Variants in CNBD1 observed in about 807,000 individuals in gnomAD.
CNBD1 encodes cyclic nucleotide-binding domain-containing protein 1.
CNBD1 carries 71 observed loss-of-function variants against 54.4 expected under a neutral mutation model. That is an observed-to-expected ratio of 1.30 (90% CI 1.08 to 1.59). The LOEUF (loss-of-function observed/expected upper bound fraction) is 1.59, where lower values mean the gene tolerates loss of function less well. Among genes scored for constraint, CNBD1 ranks in the 40% most tolerant of loss-of-function variants. The pLI, the probability that CNBD1 is intolerant of heterozygous loss-of-function variation, is 0.00. For synonymous variants in CNBD1, 182 were observed against 170.7 expected (o/e 1.07, Z -0.51); for missense variants, 659 against 518.0 (o/e 1.27, Z -2.64).
At chr8:87,107,151 T>A (rs528136497) in intron 4 of CNBD1, among the ~76,000 whole-genome samples, 24 of 152,310 alleles carry the variant, frequency 1.6e-4, no homozygotes, top group African/African-American at 5.8e-4. Context: ...TTATATACTT[T>A]TCACTGATGT....
intron 6 of CNBD1, among the ~76,000 whole-genome samples, chr8:87,267,909 C>T (rs1808294296): frequency 6.6e-6 from 1 of 152,118 alleles, no homozygotes; most frequent in African/African-American, 2.4e-5. Context: ...TAACTATACA[C>T]AAAAATTGTT....
intron 4 of CNBD1, among the ~76,000 whole-genome samples, chr8:87,172,783 T>G (rs1813116516): frequency 6.6e-6 from 1 of 152,150 alleles, no homozygotes; most frequent in African/African-American, 2.4e-5. Flanking sequence ...GAAGTGTGTT[T>G]CTTGTAGGCA....
intron 8 of CNBD1, among the ~76,000 whole-genome samples, chr8:87,300,914 G>T (rs145739447): frequency 6.6e-6 from 1 of 151,912 alleles, no homozygotes; most frequent in East Asian, 1.9e-4. Flanking sequence ...CAAAATGTTG[G>T]TTCTTTGAAA....
rs968594499 is a variant in CNBD1, at chr8:87,243,862, A to G, written c.771+6750A>G. 3.3e-5 allele frequency among the ~76,000 whole-genome samples: 5 copies of G among 152,310 alleles called. No individual in the cohort carries two copies. In the East Asian group the frequency reaches 9.6e-4, roughly 29 times the overall value. On this transcript the variant is annotated intron_variant, in intron 6 of 10. Coordinates refer to ENST00000518476, the MANE Select transcript of CNBD1 (RefSeq NM_173538.3). ...TTGTAATATATATATGCAGTGAAAA[A>G]AGACACAGAATGTGATTTGCTGTTT...
At chr8:87,119,059 A>G (rs1811838270) in intron 4 of CNBD1, among the ~76,000 whole-genome samples, 1 of 152,108 alleles carries the variant, frequency 6.6e-6, no homozygotes, top group Non-Finnish European at 1.5e-5. Flanking sequence ...GTACTGTCAA[A>G]TGTATATGTG....
chr8:86,967,356 C>T (rs1300161664), intron 4 of CNBD1, among the ~76,000 whole-genome samples: 1 of 152,234 alleles, frequency 6.6e-6, no homozygotes, highest in East Asian at 1.9e-4. Flanking sequence ...TAGTCCTGCC[C>T]AGGAGGGCCA....
At chr8:87,418,840 A>G (rs1807879076) in intron 2 of CNBD1, among the ~76,000 whole-genome samples, 3 of 151,934 alleles carry the variant, frequency 2.0e-5, no homozygotes, top group African/African-American at 2.4e-5. Context: ...TGAAACCCTT[A>G]TACATAGCTG....
At chr8:86,872,993 G>A (rs1808462083) in intron 1 of CNBD1, among the ~76,000 whole-genome samples, 1 of 152,098 alleles carries the variant, frequency 6.6e-6, no homozygotes. Flanking sequence ...AGGATCGCTT[G>A]AGCCCAGGAA....
chr8:86,953,122 C>G (rs1807668719), intron 4 of CNBD1, among the ~76,000 whole-genome samples: 1 of 152,056 alleles, frequency 6.6e-6, no homozygotes, highest in Non-Finnish European at 1.5e-5. Flanking sequence ...CATAGTTTAT[C>G]TAAGTATATG....
Position 87,353,671 on chromosome 8 carries a change from T to G in CNBD1, c.1188T>G (p.Leu396=). ...AAAAACTTGTTTATATGGGGAAACT[T>G]AAGGAGAAGGAGTCCTTTGGTGAGA... ...RSQKLVYMGK[L]KEKESFGEIS... Residue 396 remains leucine (L), a synonymous_variant, in exon 10 of 11, where the codon CTT becomes CTG. Transcript: ENST00000518476. 6.2e-7 allele frequency: 1 copy of G among 1,601,794 alleles called. No individual in the cohort carries two copies. Among genetic ancestry groups the G allele is most frequent in the Non-Finnish European group, 8.5e-7 (1 of 1,174,732 alleles).
At chr8:87,020,096 A>G (rs1213322738) in intron 4 of CNBD1, among the ~76,000 whole-genome samples, 1 of 152,050 alleles carries the variant, frequency 6.6e-6, no homozygotes, top group Non-Finnish European at 1.5e-5. Context: ...CCAAACCTTC[A>G]CTATCTTTAT....
At chr8:87,251,218 G>A (rs1475241232) in intron 6 of CNBD1, among the ~76,000 whole-genome samples, 2 of 152,056 alleles carry the variant, frequency 1.3e-5, no homozygotes, top group Non-Finnish European at 2.9e-5. Flanking sequence ...TTTTTGTGAT[G>A]TTTTAGGGCC....
intron 4 of CNBD1, among the ~76,000 whole-genome samples, chr8:87,195,688 C>T (rs1053175339): frequency 5.3e-5 from 8 of 151,714 alleles, no homozygotes; most frequent in Non-Finnish European, 5.9e-5. Flanking sequence ...ATTCTCCTGC[C>T]TTAGCCTCCT....
chr8:87,194,547 G>C (rs953454987), intron 4 of CNBD1, among the ~76,000 whole-genome samples: 1 of 152,134 alleles, frequency 6.6e-6, no homozygotes, highest in South Asian at 2.1e-4. Context: ...TGCATTATAT[G>C]CCTGATTCTA....
At chr8:87,087,693 C>T (rs1563463637) in intron 4 of CNBD1, among the ~76,000 whole-genome samples, 2 of 152,012 alleles carry the variant, frequency 1.3e-5, no homozygotes, top group Non-Finnish European at 2.9e-5. Flanking sequence ...GTCTCGATCC[C>T]CTGACCTCGT....
intron 2 of CNBD1, among the ~76,000 whole-genome samples, chr8:86,900,867 GA>G (rs1255777788): frequency 6.6e-6 from 1 of 152,042 alleles, no homozygotes; most frequent in African/African-American, 2.4e-5. Flanking sequence ...TTGTCAAACA[GA>G]TCTTTAAATT....
chr8:87,257,830 A>G (rs1335174118), intron 6 of CNBD1, among the ~76,000 whole-genome samples: 2 of 152,104 alleles, frequency 1.3e-5, no homozygotes. Context: ...CTGGAAAAGT[A>G]TTTTCTTGGT....
At chr8:87,103,875 T>A (rs1209010307) in intron 4 of CNBD1, among the ~76,000 whole-genome samples, 1 of 152,132 alleles carries the variant, frequency 6.6e-6, no homozygotes, top group Non-Finnish European at 1.5e-5. Context: ...TCACAGACAG[T>A]TTGAAGAAGG....
intron 4 of CNBD1, 132 bp from the exon 5 acceptor site, chr8:87,205,861 C>T: frequency 1.6e-6 from 1 of 616,130 alleles, no homozygotes; most frequent in Non-Finnish European, 2.4e-6. Context: ...AATAGAATAG[C>T]ATCACAGTTC....
Sources: gnomAD v4.1 joint callset for allele counts (sites outside exome capture counted in the v4.1 genomes callset) on GRCh38, gnomAD v4.1.1 for gene constraint, MANE v1.5 for transcripts, NCBI Gene and HGNC (gene_info 2026-07-23, HGNC 2026-07-21) for gene names.